The following COL5A2 variants were observed in gnomAD, a reference collection of about 807,000 sequenced individuals.
COL5A2 encodes the protein collagen alpha-2(V) chain.
COL5A2 carries 23 observed loss-of-function variants against 208.2 expected under a neutral mutation model. The observed-to-expected ratio is 0.11, with a 90% CI of 0.08 to 0.16. COL5A2 has a LOEUF of 0.16. COL5A2 is among the 10% of genes least tolerant of loss of function. The pLI, the probability that COL5A2 is intolerant of heterozygous loss-of-function variation, is 1.00. For missense variants in COL5A2, 1,590 were observed against 1,956.4 expected, an observed-to-expected ratio of 0.81 and a Z score of 3.53; for synonymous variants, 625 against 628.5, an observed-to-expected ratio of 0.99 and a Z score of 0.08.
At chr2:189,418,560 T>C in the COL5A2 span, among the ~76,000 whole-genome samples, 1 of 152,218 alleles carries the variant, frequency 6.6e-6, no homozygotes, top group East Asian at 1.9e-4. Context: ...TAGGCCCTTG[T>C]AAGATAGACA....
chr2:189,308,065 G>T, the COL5A2 span, among the ~76,000 whole-genome samples: 1 of 152,060 alleles, frequency 6.6e-6, no homozygotes, highest in Admixed American at 6.5e-5. Context: ...TCTCTCTTGG[G>T]GTCTGGATCA....
intron 51 of COL5A2, 151 bp downstream of exon 51, chr2:189,039,121 C>T (rs1685503977): frequency 4.1e-6 from 4 of 980,012 alleles, no homozygotes; most frequent in Non-Finnish European, 6.2e-6. Flanking sequence ...TTGACTGTTT[C>T]CACCATTAAA....
At chr2:189,364,623 G>A in the COL5A2 span, among the ~76,000 whole-genome samples, 3 of 152,026 alleles carry the variant, frequency 2.0e-5, no homozygotes, top group Non-Finnish European at 4.4e-5. Context: ...GGTGGAGGTT[G>A]CAGTAAATAG....
the COL5A2 span, among the ~76,000 whole-genome samples, chr2:189,236,785 TTCA>T: frequency 1.3e-5 from 2 of 151,876 alleles, no homozygotes; most frequent in African/African-American, 4.8e-5. Flanking sequence ...TATATAAGTA[TTCA>T]TATGTGTGTC....
At chr2:189,222,936 C>T (rs1006759617) in intron 1 of COL5A2, among the ~76,000 whole-genome samples, 23 of 152,074 alleles carry the variant, frequency 1.5e-4, no homozygotes, top group African/African-American at 2.9e-4. Context: ...TAGTCTCTTA[C>T]GGTGAGAAAT....
chr2:189,282,058 A>G, the COL5A2 span, among the ~76,000 whole-genome samples: 5,890 of 152,106 alleles, frequency 0.039, 130 homozygotes, highest in Admixed American at 0.052. Flanking sequence ...AGTGGTGGGC[A>G]CCTGTAATCC....
rs555736518 is a variant in COL5A2 at position 189,175,469 on chromosome 2, G to A, written c.97+4039C>T. ...AGAGGTAGAAAAAACCTCAGTCCCT[G>A]ATGACTTTGTGGAGCCAATATGCCA... On this transcript the variant is annotated intron_variant, in intron 1 of 53. Transcript: ENST00000374866. Among the ~76,000 whole-genome samples, 24 of 151,478 alleles carry A rather than the reference G, an allele frequency of 1.6e-4. No homozygotes were observed. In the South Asian group the frequency reaches 4.6e-3, roughly 29 times the overall value.
At chr2:189,054,265 T>C in intron 35 of COL5A2, 53 bp from the exon 36 acceptor site, 1 of 1,339,692 alleles carries the variant, frequency 7.5e-7, no homozygotes, top group South Asian at 1.2e-5. Flanking sequence ...ACAGAAATCT[T>C]CATGCTTAGC....
At chr2:189,192,978 C>T (rs1465248320) in intron 1 of COL5A2, among the ~76,000 whole-genome samples, 1 of 152,208 alleles carries the variant, frequency 6.6e-6, no homozygotes, top group African/African-American at 2.4e-5. Context: ...TGCTACTTAT[C>T]ACAAGAGGAC....
the COL5A2 span, among the ~76,000 whole-genome samples, chr2:189,386,241 C>A: frequency 6.6e-6 from 1 of 152,076 alleles, no homozygotes; most frequent in Non-Finnish European, 1.5e-5. Context: ...ACCCCCTAAT[C>A]AATAAATGGT....
intron 1 of COL5A2, among the ~76,000 whole-genome samples, chr2:189,207,475 T>C (rs553829851): frequency 8.5e-5 from 13 of 152,310 alleles, no homozygotes; most frequent in Non-Finnish European, 1.8e-4. Context: ...TCACCAGTCA[T>C]ACAATTCTGT....
At chr2:189,074,288 C>A (rs563466337) in intron 17 of COL5A2, among the ~76,000 whole-genome samples, 129 of 152,044 alleles carry the variant, frequency 8.5e-4, no homozygotes, top group Middle Eastern at 3.4e-3. Context: ...GTAAGTATAG[C>A]CCTTTATGAT....
the COL5A2 span, among the ~76,000 whole-genome samples, chr2:189,428,940 C>A: frequency 1.3e-5 from 2 of 152,100 alleles, no homozygotes; most frequent in Admixed American, 1.3e-4. Flanking sequence ...TGGTGGTTAC[C>A]AGAGGCTGCA....
chr2:189,213,910 A>G (rs2105870892), intron 1 of COL5A2, among the ~76,000 whole-genome samples: 1 of 152,354 alleles, frequency 6.6e-6, no homozygotes, highest in African/African-American at 2.4e-5. Context: ...TGATCTGGGT[A>G]TAGTGACAAG....
the COL5A2 span, among the ~76,000 whole-genome samples, chr2:189,296,595 C>T: frequency 6.6e-6 from 1 of 152,174 alleles, no homozygotes; most frequent in Non-Finnish European, 1.5e-5. Context: ...TTTCAGCAAG[C>T]AATTAAATTA....
chr2:189,054,599 A>G (rs1261909627), intron 35 of COL5A2, among the ~76,000 whole-genome samples: 1 of 151,952 alleles, frequency 6.6e-6, no homozygotes, highest in African/African-American at 2.4e-5. Context: ...TCTTTTGCAT[A>G]TAATATTATA....
At chr2:189,065,923 A>G (rs1686138873) in intron 23 of COL5A2, among the ~76,000 whole-genome samples, 1 of 152,200 alleles carries the variant, frequency 6.6e-6, no homozygotes, top group Non-Finnish European at 1.5e-5. Flanking sequence ...ATCTTCTCAG[A>G]GGATCCTCTT....
chr2:189,052,021 T>C, intron 41 of COL5A2, 151 bp downstream of exon 41: 1 of 639,062 alleles, frequency 1.6e-6, no homozygotes, highest in Non-Finnish European at 2.6e-6. Context: ...TTTGCTTTGC[T>C]GAAATACCAG....
In COL5A2 at chr2:189,072,026, C is replaced by T. The variant is rs1057523022; in HGVS notation, c.1158+14G>A. On this transcript the variant is annotated intron_variant, in intron 18 of 53. Transcript: ENST00000374866. Reference sequence around the variant, plus strand: ...TGTAGCGTTAAATACTGTATATTAACATTAACATCTTACCTTCATTCCAGG... The same window carrying T: ...TGTAGCGTTAAATACTGTATATTAATATTAACATCTTACCTTCATTCCAGG... 3 of 1,554,134 alleles carry T rather than the reference C, an allele frequency of 1.9e-6. No homozygotes were observed. The highest frequency in any genetic ancestry group is 3.4e-5 in the Admixed American group (2 of 58,908).
Sources: gnomAD v4.1 joint callset for allele counts (sites outside exome capture counted in the v4.1 genomes callset) on GRCh38, gnomAD v4.1.1 for gene constraint, MANE v1.5 for transcripts, NCBI Gene and HGNC (gene_info 2026-07-23, HGNC 2026-07-21) for gene names.